ANKS1B: variants seen among roughly 807,000 people sequenced by gnomAD.
ANKS1B encodes ankyrin repeat and sterile alpha motif domain containing 1B.
A neutral mutation model predicts 148.3 loss-of-function variants in ANKS1B; 36 were observed. The ratio of observed to expected loss-of-function variants is 0.24; its 90% CI spans 0.19 to 0.32. The LOEUF is 0.32. ANKS1B is among the 10% of genes least tolerant of loss of function. The pLI, the probability that ANKS1B is intolerant of heterozygous loss-of-function variation, is 1.00. For missense variants in ANKS1B, 1,157 were observed against 1,542.6 expected (o/e 0.75, Z 4.19); for synonymous variants, 542 against 560.8 (o/e 0.97, Z 0.47).
chr12:99,695,567 A>G (rs570967970), intron 8 of ANKS1B, among the ~76,000 whole-genome samples: 1 of 152,292 alleles, frequency 6.6e-6, no homozygotes, highest in African/African-American at 2.4e-5. Flanking sequence ...CTAATGAAAG[A>G]TTCAGATTTT....
At position 98,872,181 on chromosome 12, in the gene ANKS1B, T is replaced by C. The variant is rs558038878; in HGVS notation, c.2779-40045A>G. On this transcript the variant is annotated intron_variant, in intron 17 of 26. Transcript: ENST00000683438. Reference sequence around the variant, plus strand: ...GCTGAATTGCATCTCCCCAAATTCATATGTTGAAGCCCTAATTCCCAATAC... The same window carrying C: ...GCTGAATTGCATCTCCCCAAATTCACATGTTGAAGCCCTAATTCCCAATAC... Among the ~76,000 whole-genome samples the C allele has an allele frequency of 2.6e-5, 4 of 152,284 alleles. No homozygotes were observed. In the South Asian group the frequency reaches 8.3e-4, roughly 32 times the overall value.
chr12:99,861,078 G>A (rs899251329), intron 1 of ANKS1B, among the ~76,000 whole-genome samples: 2 of 152,184 alleles, frequency 1.3e-5, no homozygotes, highest in East Asian at 3.8e-4. Flanking sequence ...ATCAGACCAT[G>A]TTCAAATAAG....
intron 14 of ANKS1B, among the ~76,000 whole-genome samples, chr12:99,187,973 G>A: frequency 6.6e-6 from 1 of 151,982 alleles, no homozygotes; most frequent in Non-Finnish European, 1.5e-5. Flanking sequence ...ACACACATAG[G>A]CTCAAAATAA....
chr12:99,230,591 C>T (rs1339339259), intron 14 of ANKS1B, among the ~76,000 whole-genome samples: 1 of 152,100 alleles, frequency 6.6e-6, no homozygotes, highest in Non-Finnish European at 1.5e-5. Flanking sequence ...TTTTAGAATA[C>T]TAGAGAATCT....
intron 10 of ANKS1B, among the ~76,000 whole-genome samples, chr12:99,450,172 A>G (rs916862580): frequency 1.3e-5 from 2 of 152,158 alleles, no homozygotes; most frequent in African/African-American, 2.4e-5. Context: ...GAGGCCTGGA[A>G]AAAAACAGTG....
At chr12:99,067,092 C>T (rs980807166) in intron 16 of ANKS1B, among the ~76,000 whole-genome samples, 16 of 152,174 alleles carry the variant, frequency 1.1e-4, no homozygotes, top group Non-Finnish European at 2.9e-5. Context: ...CTCCCATGGA[C>T]CATCCCTTAA....
chr12:99,656,851 T>C (rs1158131634), intron 8 of ANKS1B, among the ~76,000 whole-genome samples: 1 of 152,154 alleles, frequency 6.6e-6, no homozygotes, highest in African/African-American at 2.4e-5. Flanking sequence ...TAGATCATGA[T>C]TACTAAAGCA....
intron 1 of ANKS1B, among the ~76,000 whole-genome samples, chr12:99,844,067 TG>T (rs1228488923): frequency 2.0e-5 from 3 of 152,200 alleles, no homozygotes; most frequent in Admixed American, 6.5e-5. Context: ...TGTCTGTTCA[TG>T]TCCTTTGCCC....
At position 99,759,001 on chromosome 12, in the gene ANKS1B, G is replaced by A. The variant is rs542410072; in HGVS notation, c.1128+13921C>T. On this transcript the variant is annotated intron_variant, in intron 8 of 26. Transcript: ENST00000683438. ...CAATTTTTGTCTCATTTATTCTGAGGGCAGGCAATTTTCACTTTAATGATC... is the reference window on the plus strand; with the variant it reads ...CAATTTTTGTCTCATTTATTCTGAGAGCAGGCAATTTTCACTTTAATGATC... 2.4e-3 allele frequency among the ~76,000 whole-genome samples: 367 copies of A among 151,864 alleles called. 5 individuals carry two copies. The highest frequency in any genetic ancestry group is 2.9e-3 in the Non-Finnish European group (197 of 67,792).
chr12:98,909,653 G>GA (rs149005011), intron 17 of ANKS1B, among the ~76,000 whole-genome samples: 3 of 152,134 alleles, frequency 2.0e-5, no homozygotes, highest in Non-Finnish European at 2.9e-5. Flanking sequence ...AGGAGCATAA[G>GA]AAAAAAATAT....
chr12:99,813,939 G>T (rs574466365), intron 2 of ANKS1B, among the ~76,000 whole-genome samples: 1 of 151,716 alleles, frequency 6.6e-6, no homozygotes, highest in South Asian at 2.1e-4. Context: ...CAGACCATCC[G>T]CATATATAAT....
intron 12 of ANKS1B, among the ~76,000 whole-genome samples, chr12:99,296,969 A>T (rs2154015671): frequency 1.3e-5 from 2 of 152,300 alleles, no homozygotes; most frequent in Middle Eastern, 6.8e-3. Flanking sequence ...GTTGGGCTAG[A>T]TTATGGCATT....
chr12:99,181,081 A>G (rs2079057144), intron 14 of ANKS1B, among the ~76,000 whole-genome samples: 1 of 152,198 alleles, frequency 6.6e-6, no homozygotes, highest in African/African-American at 2.4e-5. Context: ...ATCTAAGCAT[A>G]AAAATATAGC....
chr12:99,931,726 T>G (rs1040056133), intron 1 of ANKS1B, among the ~76,000 whole-genome samples: 2 of 152,218 alleles, frequency 1.3e-5, no homozygotes, highest in African/African-American at 4.8e-5. Flanking sequence ...AATAATCACA[T>G]CAGGGTAAAC....
intron 19 of ANKS1B, among the ~76,000 whole-genome samples, chr12:98,824,845 T>G (rs969335598): frequency 2.0e-5 from 3 of 152,116 alleles, no homozygotes; most frequent in African/African-American, 4.8e-5. Flanking sequence ...CAGTGCAGTT[T>G]TGCATTTAAG....
intron 12 of ANKS1B, among the ~76,000 whole-genome samples, chr12:99,286,282 A>C (rs184591625): frequency 1.3e-5 from 2 of 151,828 alleles, no homozygotes; most frequent in African/African-American, 4.8e-5. Flanking sequence ...CCTGGACAAA[A>C]TTTCTAAATA....
chr12:99,291,744 C>T (rs1172836300), intron 12 of ANKS1B, among the ~76,000 whole-genome samples: 2 of 152,056 alleles, frequency 1.3e-5, no homozygotes, highest in Admixed American at 6.6e-5. Flanking sequence ...ATCACACTAC[C>T]TGACTTCAAA....
At chr12:99,705,843 T>C (rs1024283484) in intron 8 of ANKS1B, among the ~76,000 whole-genome samples, 2 of 152,060 alleles carry the variant, frequency 1.3e-5, no homozygotes, top group African/African-American at 2.4e-5. Context: ...ATGAAGCATA[T>C]AGAATACCTG....
chr12:99,546,514 C>T (rs2097173986), intron 9 of ANKS1B, among the ~76,000 whole-genome samples: 2 of 152,158 alleles, frequency 1.3e-5, no homozygotes, highest in Admixed American at 6.6e-5. Context: ...ATATCTGCTG[C>T]TCTCAGTAGA....
Sources: gnomAD v4.1 joint callset for allele counts (sites outside exome capture counted in the v4.1 genomes callset) on GRCh38, gnomAD v4.1.1 for gene constraint, MANE v1.5 for transcripts, NCBI Gene and HGNC (gene_info 2026-07-23, HGNC 2026-07-21) for gene names.